The following TLE4 variants were observed in gnomAD, a reference collection of about 807,000 sequenced individuals.
The protein encoded by TLE4 is transducin-like enhancer protein 4.
Under a neutral mutation model 92.8 loss-of-function variants are expected in TLE4, and 8 were observed. The observed-to-expected ratio is 0.09, with a 90% CI of 0.05 to 0.16. TLE4 has a LOEUF of 0.16. Among genes scored for constraint, TLE4 ranks in the 10% least tolerant of loss-of-function variants. TLE4 has a pLI of 1.00. For synonymous variants in TLE4, 371 were observed against 374.1 expected (o/e 0.99, Z 0.10); for missense variants, 675 against 997.6 (o/e 0.68, Z 4.36).
At chr9:79,658,019 CCT>C (rs781345422) in intron 8 of TLE4, among the ~76,000 whole-genome samples, 3 of 152,146 alleles carry the variant, frequency 2.0e-5, no homozygotes, top group Non-Finnish European at 4.4e-5. Flanking sequence ...TACTTTTTCT[CCT>C]CTGTGCCTAT....
intron 19 of TLE4, among the ~76,000 whole-genome samples, 156 bp from the exon 20 acceptor site, chr9:79,724,881 A>AAAAAAAG (rs71364489): frequency 6.8e-6 from 1 of 147,944 alleles, no homozygotes; most frequent in East Asian, 2.0e-4. Flanking sequence ...AAAAAAAAAA[A>AAAAAAAG]GCAGCAGTAC....
chr9:79,642,045 C>T (rs117943570), intron 6 of TLE4, among the ~76,000 whole-genome samples: 3,560 of 151,422 alleles, frequency 0.024, 46 homozygotes, highest in Non-Finnish European at 0.033. Context: ...TTAATTTACA[C>T]GTATATTCTA....
chr9:79,587,053 C>G (rs1400828982), intron 4 of TLE4, among the ~76,000 whole-genome samples: 1 of 152,154 alleles, frequency 6.6e-6, no homozygotes, highest in Non-Finnish European at 1.5e-5. Flanking sequence ...AACACTATAC[C>G]TTATTCATTC....
At chr9:79,718,697 T>C (rs1398254589) in intron 14 of TLE4, 25 bp from the exon 15 acceptor site, 3 of 1,592,690 alleles carry the variant, frequency 1.9e-6, no homozygotes, top group South Asian at 2.2e-5. Context: ...TTCCCCTCTT[T>C]CTTTTTTCCT....
chr9:79,600,179 G>A (rs565746752), intron 4 of TLE4, among the ~76,000 whole-genome samples: 2 of 152,278 alleles, frequency 1.3e-5, no homozygotes, highest in African/African-American at 2.4e-5. Context: ...GCAACCTGAA[G>A]TACATTTTAA....
chr9:79,660,883 A>C (rs962472441), intron 8 of TLE4, among the ~76,000 whole-genome samples: 5 of 152,214 alleles, frequency 3.3e-5, no homozygotes, highest in African/African-American at 1.2e-4. Context: ...TCCTCCGCCG[A>C]TCGCTGAAGC....
chr9:79,639,105 A>T (rs575545220), intron 6 of TLE4, among the ~76,000 whole-genome samples: 1 of 152,126 alleles, frequency 6.6e-6, no homozygotes, highest in Non-Finnish European at 1.5e-5. Flanking sequence ...ATGTGAAGGC[A>T]TGAGGTAATG....
chr9:79,625,958 T>C (rs1305163711), intron 5 of TLE4, among the ~76,000 whole-genome samples: 1 of 151,468 alleles, frequency 6.6e-6, no homozygotes, highest in African/African-American at 2.4e-5. Context: ...ATGGAATGCA[T>C]ACAATTTAAA....
intron 8 of TLE4, chr9:79,704,502 A>T: frequency 2.3e-6 from 1 of 426,362 alleles, no homozygotes; most frequent in East Asian, 4.0e-5. Flanking sequence ...AATTCCTGCC[A>T]CCCTTTTTAT....
intron 19 of TLE4, among the ~76,000 whole-genome samples, chr9:79,723,662 T>G (rs548953759): frequency 2.6e-5 from 4 of 152,320 alleles, no homozygotes; most frequent in Non-Finnish European, 4.4e-5. Context: ...ACCTTCTATA[T>G]TTAGGATGTT....
chr9:79,572,361 C>G lies in TLE4; in HGVS notation c.-430C>G, dbSNP rs1289207202. The G allele has an allele frequency of 1.3e-5, 2 of 152,092 alleles. No individual in the cohort carries two copies. Among genetic ancestry groups the G allele is most frequent in the Admixed American group, 6.5e-5 (1 of 15,274 alleles). 9.4% of individuals were successfully genotyped at this position (152,092 alleles called of 1,614,324 possible). ...ATCATTCATTCGGAGGAATAACAAC[C>G]AATTAAAAGACAAATAAAAAAAGTT... On this transcript the variant is annotated 5_prime_UTR_variant, in exon 1 of 20. Transcript: ENST00000376552.
chr9:79,620,388 A>G (rs2050667088), intron 5 of TLE4, among the ~76,000 whole-genome samples: 2 of 152,202 alleles, frequency 1.3e-5, no homozygotes, highest in African/African-American at 4.8e-5. Context: ...ACATTGCCCA[A>G]AGTTCTGTTG....
At chr9:79,628,415 C>T (rs1013601842) in intron 6 of TLE4, among the ~76,000 whole-genome samples, 5 of 151,824 alleles carry the variant, frequency 3.3e-5, no homozygotes, top group Admixed American at 2.6e-4. Flanking sequence ...GGATAAGGGT[C>T]GCCTGATAAT....
chr9:79,667,588 G>T (rs1178561934), intron 8 of TLE4, among the ~76,000 whole-genome samples: 1 of 152,022 alleles, frequency 6.6e-6, no homozygotes, highest in Non-Finnish European at 1.5e-5. Flanking sequence ...GTCTGTTTAC[G>T]GATGTGTATG....
At chr9:79,667,227 C>T (rs2061538023) in intron 8 of TLE4, among the ~76,000 whole-genome samples, 1 of 152,112 alleles carries the variant, frequency 6.6e-6, no homozygotes, top group Non-Finnish European at 1.5e-5. Context: ...CCTGGGTACC[C>T]AGCTCATGGT....
At chr9:79,722,907 T>G in intron 18 of TLE4, 52 bp from the exon 19 acceptor site, 2 of 1,536,902 alleles carry the variant, frequency 1.3e-6, no homozygotes, top group Non-Finnish European at 1.8e-6. Flanking sequence ...CAAATCTTGG[T>G]GTCTGACAGA....
intron 19 of TLE4, 89 bp from the exon 20 acceptor site, chr9:79,724,948 A>G: frequency 1.1e-6 from 1 of 871,922 alleles, no homozygotes; most frequent in South Asian, 1.3e-5. Context: ...GTCAAGGAGC[A>G]CATTACATTT....
intron 4 of TLE4, among the ~76,000 whole-genome samples, chr9:79,590,071 A>G (rs563004107): frequency 7.2e-5 from 11 of 152,264 alleles, no homozygotes; most frequent in South Asian, 4.2e-4. Context: ...ATGCTGCGCT[A>G]TGAATGTGGG....
intron 19 of TLE4, among the ~76,000 whole-genome samples, chr9:79,723,416 A>G (rs1235109118): frequency 1.3e-5 from 2 of 152,082 alleles, no homozygotes; most frequent in African/African-American, 4.8e-5. Context: ...TAGTTTTTTT[A>G]TTTTATTTTT....
Sources: gnomAD v4.1 joint callset for allele counts (sites outside exome capture counted in the v4.1 genomes callset) on GRCh38, gnomAD v4.1.1 for gene constraint, MANE v1.5 for transcripts, NCBI Gene and HGNC (gene_info 2026-07-23, HGNC 2026-07-21) for gene names.